UNC80: variants seen among roughly 807,000 people sequenced by gnomAD.
The protein encoded by UNC80 is unc-80 subunit of NALCN channel complex, also known as protein unc-80 homolog.
A neutral mutation model predicts 384.6 loss-of-function variants in UNC80; 164 were observed. That is an observed-to-expected ratio of 0.43 (90% confidence interval 0.38 to 0.49). The LOEUF (loss-of-function observed/expected upper bound fraction) is 0.49, where lower values mean the gene tolerates loss of function less well. Ranked by LOEUF, UNC80 falls within the 20% of genes least tolerant of loss-of-function variation. UNC80 has a pLI of 0.00. For missense variants in UNC80, 3,330 were observed against 4,143.0 expected, an observed-to-expected ratio of 0.80 and a Z score of 5.39; for synonymous variants, 1,486 against 1,527.8, an observed-to-expected ratio of 0.97 and a Z score of 0.64.
intron 62 of UNC80, 66 bp downstream of exon 62, chr2:209,992,313 G>C: frequency 7.0e-7 from 1 of 1,420,074 alleles, no homozygotes; most frequent in Non-Finnish European, 9.7e-7. Context: ...GATTTTTAAT[G>C]CCCATGTATA....
chr2:209,856,304 T>A (rs2082912772), intron 22 of UNC80, among the ~76,000 whole-genome samples: 1 of 152,284 alleles, frequency 6.6e-6, no homozygotes, highest in South Asian at 2.1e-4. Context: ...TGGAAGATTA[T>A]CTTTTATTGC....
At chr2:209,849,391 A>C in intron 21 of UNC80, 60 bp from the exon 22 acceptor site, 2 of 1,531,488 alleles carry the variant, frequency 1.3e-6, no homozygotes, top group African/African-American at 1.4e-5. Flanking sequence ...ACTCTTTTTA[A>C]ACCTGTGATC....
rs183398566 is a variant in UNC80 at position 209,985,008 on chromosome 2, C to A, written c.9314+96C>A. The stretch of plus-strand genomic sequence containing the variant: ...TCTCTGTCTTCTCTGTCTCTTCTCG[C>A]CCCGTCTTAATATCTATTTCCATTC... On this transcript the variant is annotated intron_variant, in intron 61 of 64. Coordinates refer to ENST00000673920, the MANE Select transcript of UNC80 (RefSeq NM_001371986.1). 8.8e-5 allele frequency: 97 copies of A among 1,106,256 alleles called. 1 individual carries two copies. Among genetic ancestry groups the A allele is most frequent in the South Asian group, 8.4e-4 (54 of 64,582 alleles). The allele number at this position is 1,106,256 out of a possible 1,614,324, so 68.5% of individuals were successfully genotyped here.
At chr2:209,891,745 A>AT (rs951915255) in intron 26 of UNC80, among the ~76,000 whole-genome samples, 57 of 152,162 alleles carry the variant, frequency 3.7e-4, no homozygotes, top group Admixed American at 1.2e-3. Context: ...TATCCATAAA[A>AT]TGTCCTTAAT....
chr2:209,804,720 T>C (rs1454539165), intron 7 of UNC80, among the ~76,000 whole-genome samples: 1 of 151,376 alleles, frequency 6.6e-6, no homozygotes, highest in African/African-American at 2.4e-5. Flanking sequence ...ATATTTGGAT[T>C]TGAATCACAC....
chr2:209,893,936 G>C (rs545220913), intron 26 of UNC80, among the ~76,000 whole-genome samples: 23 of 152,284 alleles, frequency 1.5e-4, no homozygotes, highest in South Asian at 4.1e-4. Flanking sequence ...GCCAGAAAGA[G>C]AGCAGGTTGT....
chr2:209,992,909 C>T (rs2093418537), intron 62 of UNC80, among the ~76,000 whole-genome samples: 1 of 152,108 alleles, frequency 6.6e-6, no homozygotes. Flanking sequence ...TAGGAGCTTC[C>T]CATTATTGAT....
intron 4 of UNC80, among the ~76,000 whole-genome samples, chr2:209,778,921 T>G (rs2077011274): frequency 6.6e-6 from 1 of 152,220 alleles, no homozygotes; most frequent in South Asian, 2.1e-4. Flanking sequence ...GTATTTTCAT[T>G]CATTTTTAGT....
intron 53 of UNC80, chr2:209,970,252 G>T (rs2092845290): frequency 4.5e-6 from 1 of 223,554 alleles, no homozygotes; most frequent in Non-Finnish European, 8.7e-6. Context: ...ATGCAAAGAG[G>T]ATATTTTTCT....
At chr2:209,985,805 C>T (rs1039148926) in intron 61 of UNC80, among the ~76,000 whole-genome samples, 2 of 152,232 alleles carry the variant, frequency 1.3e-5, no homozygotes, top group South Asian at 2.1e-4. Flanking sequence ...ACAATACACC[C>T]GTGTTTATTG....
intron 25 of UNC80, among the ~76,000 whole-genome samples, chr2:209,885,737 A>G (rs1157865589): frequency 2.6e-5 from 4 of 151,714 alleles, no homozygotes; most frequent in African/African-American, 9.7e-5. Context: ...AACAAAATGT[A>G]GAGTCTAAAA....
Position 209,917,923 on chromosome 2 carries a change from C to T in UNC80, c.5176C>T (p.Pro1726Ser). Residue 1726 changes from proline to serine, a missense_variant, in exon 32 of 65, where the codon CCC (proline) becomes TCC (serine). By Grantham distance (74) the Pro-to-Ser change is moderately conservative. Transcript: ENST00000673920. ...TLWRFRYQVW[P>S]RMEEGAQQIF... ...CTGGAGGTTTCGCTATCAGGTCTGG[C>T]CCCGGATGGAGGAAGGGGCACAGCA... 6.4e-7 allele frequency: 1 copy of T among 1,551,608 alleles called. No individual in the cohort carries two copies. Among genetic ancestry groups the T allele is most frequent in the South Asian group, 1.2e-5 (1 of 84,046 alleles).
chr2:209,780,445 G>C (rs2077093537), intron 4 of UNC80, among the ~76,000 whole-genome samples: 1 of 152,134 alleles, frequency 6.6e-6, no homozygotes, highest in Non-Finnish European at 1.5e-5. Context: ...GGCCACAAGG[G>C]CTTTTCTGTT....
At position 209,834,940 on chromosome 2, in the gene UNC80, G is replaced by A. The variant is rs1045275920; in HGVS notation, c.2971G>A (p.Gly991Ser). 28 of 1,550,872 alleles carry A rather than the reference G, an allele frequency of 1.8e-5. No homozygotes were observed. Among genetic ancestry groups the A allele is most frequent in the Non-Finnish European group, 2.2e-5 (25 of 1,146,478 alleles). The change falls in exon 18 of 65, where the codon GGC becomes AGC. Residue 991 changes from glycine (G) to serine (S), a missense_variant. This residue lies in a region of UNC80 where 801 missense variants were observed against 950.8 expected (regional missense o/e 0.84). Transcript: ENST00000673920. ...RSEAGSIVDK[G>S]QVSSAPEECR... is the part of the protein sequence containing the mutation. ...AGAGGCGGGAAGCATTGTGGATAAA[G>A]GCCAGGTATCCTCTGCACCTGAGGA...
rs1414698683 is a variant in UNC80 at position 209,881,085 on chromosome 2, G to A, written c.4101G>A (p.Glu1367=). The A allele has an allele frequency of 6.4e-7, 1 of 1,551,662 alleles. No homozygotes were observed. Among genetic ancestry groups the A allele is most frequent in the Non-Finnish European group, 8.7e-7 (1 of 1,146,984 alleles). Residue 1367 remains glutamate (E), a synonymous_variant, in exon 25 of 65, where the codon GAG becomes GAA. Coordinates refer to ENST00000673920, the MANE Select transcript of UNC80 (RefSeq NM_001371986.1). ...CTTGCCTGCCCAGACCTCGCACTGA[G>A]CCTCTGGTGGTAAGTTAAAGCATGC... is the stretch of plus-strand genomic sequence containing the variant. ...TFSCLPRPRT[E]PLVDLESCRL...
chr2:209,921,540 G>A lies in UNC80; in HGVS notation c.5384G>A (p.Arg1795Lys). The change falls in exon 34 of 65, where the codon AGG becomes AAG. Residue 1795 changes from arginine (R) to lysine (K), a missense_variant. Transcript: ENST00000673920. ...CGGGCTGTGTCCCGCTCCCATCAAA[G>A]GGCAGAACACATCTTAAAGAACTTG... ...SARAVSRSHQ[R>K]AEHILKNLQQ... The A allele has an allele frequency of 6.4e-7, 1 of 1,551,698 alleles. No individual in the cohort carries two copies. Among genetic ancestry groups the A allele is most frequent in the Non-Finnish European group, 8.7e-7 (1 of 1,146,964 alleles).
At chr2:209,777,671 G>T in intron 4 of UNC80, 112 bp downstream of exon 4, 1 of 1,171,348 alleles carries the variant, frequency 8.5e-7, no homozygotes, top group Non-Finnish European at 1.2e-6. Context: ...CTTACAGCAA[G>T]TCAAGGCATG....
At chr2:209,921,307 A>C (rs2090023055) in intron 33 of UNC80, among the ~76,000 whole-genome samples, 193 bp from the exon 34 acceptor site, 1 of 152,118 alleles carries the variant, frequency 6.6e-6, no homozygotes, top group Non-Finnish European at 1.5e-5. Flanking sequence ...GATTGAATGA[A>C]AAAAAAATAG....
At chr2:209,906,413 G>A (rs539702816) in intron 29 of UNC80, among the ~76,000 whole-genome samples, 6 of 152,222 alleles carry the variant, frequency 3.9e-5, no homozygotes, top group East Asian at 1.9e-4. Flanking sequence ...GTATGTGTGA[G>A]GGTATAAAGT....
Sources: allele counts gnomAD v4.1 joint callset (sites outside exome capture counted in the v4.1 genomes callset), GRCh38; gene constraint gnomAD v4.1.1; regional missense constraint gnomAD v4.1.1; transcripts MANE v1.5; gene names NCBI Gene and HGNC (gene_info 2026-07-23, HGNC 2026-07-21).